Variants in TASOR observed in about 807,000 individuals in gnomAD.
TASOR encodes the protein protein TASOR.
TASOR carries 53 observed loss-of-function variants against 178.6 expected under a neutral mutation model. That is an observed-to-expected ratio of 0.30 (90% CI 0.24 to 0.37). The LOEUF (loss-of-function observed/expected upper bound fraction) is 0.37. Among genes scored for constraint, TASOR ranks in the 10% least tolerant of loss-of-function variants. TASOR has a pLI of 1.00. For synonymous variants in TASOR, 713 were observed against 696.2 expected (o/e 1.02, Z -0.38); for missense variants, 1,815 against 1,971.4 (o/e 0.92, Z 1.50).
At chr3:56,634,061 C>A (rs1409725303) in intron 17 of TASOR, 95 bp from the exon 18 acceptor site, 5 of 929,776 alleles carry the variant, frequency 5.4e-6, no homozygotes, top group Non-Finnish European at 6.2e-6. Flanking sequence ...GGTTAACACA[C>A]ATTTAGAACT....
chr3:56,634,958 T>C (rs772746730), intron 17 of TASOR, among the ~76,000 whole-genome samples: 3 of 152,220 alleles, frequency 2.0e-5, no homozygotes, highest in Non-Finnish European at 4.4e-5. Context: ...AGAAGACGTA[T>C]ACACAATTTT....
intron 21 of TASOR, 44 bp from the exon 22 acceptor site, chr3:56,625,050 A>C: frequency 6.4e-7 from 1 of 1,567,836 alleles, no homozygotes; most frequent in Non-Finnish European, 8.7e-7. Context: ...TACTTCTAAA[A>C]TTTAGTATGG....
chr3:56,663,272 A>T lies in TASOR; in HGVS notation c.1054+269T>A, dbSNP rs1008689326. ...AATTCTAAGTCCTACACCTCTGGTGAATTTAATACTTTTAAAAAGCTGAGT... is the reference window on the plus strand; with the variant it reads ...AATTCTAAGTCCTACACCTCTGGTGTATTTAATACTTTTAAAAAGCTGAGT... On this transcript the variant is annotated intron_variant, in intron 8 of 23. Transcript: ENST00000683822. Among the ~76,000 whole-genome samples the T allele has an allele frequency of 6.6e-5, 10 of 152,330 alleles. No homozygotes were observed. In the South Asian group the frequency reaches 1.0e-3, roughly 16 times the overall value.
At chr3:56,663,966 G>A (rs1477190426) in intron 7 of TASOR, 1 of 608,758 alleles carries the variant, frequency 1.6e-6, no homozygotes, top group Non-Finnish European at 2.0e-6. Flanking sequence ...CACAGTTCTA[G>A]GTAATAGGAT....
At chr3:56,665,864 C>G (rs1427037879) in intron 7 of TASOR, among the ~76,000 whole-genome samples, 3 of 151,922 alleles carry the variant, frequency 2.0e-5, no homozygotes, top group African/African-American at 7.2e-5. Context: ...CCCAGCTACT[C>G]GGGAGGCTGA....
At chr3:56,645,931 G>A (rs1048650507) in intron 14 of TASOR, among the ~76,000 whole-genome samples, 3 of 152,106 alleles carry the variant, frequency 2.0e-5, no homozygotes, top group East Asian at 3.9e-4. Flanking sequence ...GGCGGATCAC[G>A]AGGTCAGGAG....
chr3:56,643,318 A>G lies in TASOR; in HGVS notation c.2216-1566T>C, dbSNP rs7640535. Among the ~76,000 whole-genome samples, 1,432 of 152,268 alleles carry G rather than the reference A, an allele frequency of 9.4e-3. 30 individuals are homozygous for G. Among genetic ancestry groups the G allele is most frequent in the African/African-American group, 0.032 (1,322 of 41,536 alleles). On this transcript the variant is annotated intron_variant, in intron 14 of 23. Coordinates refer to ENST00000683822, the MANE Select transcript of TASOR (RefSeq NM_001365635.2). ...CGGTGATTACACAGCTGTCAAAACT[A>G]ATCATACTGTGTGCTTAAATAGGTA...
At chr3:56,648,523 C>T (rs539383472) in intron 13 of TASOR, among the ~76,000 whole-genome samples, 24 of 150,012 alleles carry the variant, frequency 1.6e-4, no homozygotes, top group African/African-American at 5.9e-4. Flanking sequence ...CCCAGCTACT[C>T]AGGAGGCTGA....
intron 5 of TASOR, among the ~76,000 whole-genome samples, chr3:56,669,070 A>C (rs1353849930): frequency 1.3e-5 from 2 of 152,226 alleles, no homozygotes; most frequent in Non-Finnish European, 2.9e-5. Context: ...AAATCATTTG[A>C]ACTTGTTTAA....
At chr3:56,623,923 T>A in intron 23 of TASOR, 3 of 1,134,036 alleles carry the variant, frequency 2.6e-6, no homozygotes, top group African/African-American at 1.6e-5. Context: ...ACTGGATTAC[T>A]AAACTAGTTG....
At chr3:56,654,029 G>C (rs1578248300) in intron 11 of TASOR, among the ~76,000 whole-genome samples, 1 of 152,180 alleles carries the variant, frequency 6.6e-6, no homozygotes, top group Non-Finnish European at 1.5e-5. Flanking sequence ...CACTACGGGA[G>C]GCCGAGGCAG....
chr3:56,662,557 A>T, intron 8 of TASOR, 67 bp from the exon 9 acceptor site: 1 of 690,856 alleles, frequency 1.4e-6, no homozygotes, highest in Non-Finnish European at 2.3e-6. Context: ...GTGCACATTT[A>T]TTAGAAATGA....
Position 56,649,067 on chromosome 3 carries a change from G to C in TASOR, c.1369-10C>G. On this transcript the variant is annotated splice_polypyrimidine_tract_variant and intron_variant, in intron 11 of 23. Transcript: ENST00000683822. ...AAGGTTTAACAAGAACCTGTATTTT[G>C]AGGGGAAGGAAGAAGTTGTATCTGC... 6.3e-7 allele frequency: 1 copy of C among 1,593,088 alleles called. No individual in the cohort carries two copies. The highest frequency in any genetic ancestry group is 1.2e-5 in the South Asian group (1 of 86,396).
chr3:56,671,277 C>T (rs555974640), intron 3 of TASOR: 57 of 175,800 alleles, frequency 3.2e-4, no homozygotes, highest in Admixed American at 4.3e-4. Context: ...AGACAGAGGT[C>T]GCAGTGAGCC....
intron 17 of TASOR, among the ~76,000 whole-genome samples, chr3:56,636,181 G>A (rs1244938804): frequency 1.3e-5 from 2 of 151,396 alleles, no homozygotes; most frequent in Non-Finnish European, 2.9e-5. Context: ...GTGGTGGCGA[G>A]CACCTGTAAT....
chr3:56,682,506 T>C (rs2031889829), intron 1 of TASOR, among the ~76,000 whole-genome samples, 170 bp downstream of exon 1: 2 of 150,686 alleles, frequency 1.3e-5, no homozygotes, highest in South Asian at 4.2e-4. Flanking sequence ...CACCGCTTTC[T>C]CTCGCACCAA....
intron 14 of TASOR, among the ~76,000 whole-genome samples, chr3:56,644,592 A>G (rs546814967): frequency 6.6e-6 from 1 of 152,344 alleles, no homozygotes; most frequent in African/African-American, 2.4e-5. Context: ...GGACATGGCT[A>G]GTCTATAACA....
chr3:56,670,566 A>G (rs944763815), intron 3 of TASOR, among the ~76,000 whole-genome samples: 1 of 152,138 alleles, frequency 6.6e-6, no homozygotes, highest in Non-Finnish European at 1.5e-5. Context: ...CTGCCACTCA[A>G]TATATATAAC....
At chr3:56,625,146 G>T in intron 21 of TASOR, 140 bp from the exon 22 acceptor site, 2 of 746,076 alleles carry the variant, frequency 2.7e-6, no homozygotes, top group South Asian at 3.8e-5. Flanking sequence ...CCTGATGTAG[G>T]GGGTGTGCTT....
Sources: gnomAD v4.1 joint callset for allele counts (sites outside exome capture counted in the v4.1 genomes callset) on GRCh38, gnomAD v4.1.1 for gene constraint, MANE v1.5 for transcripts, NCBI Gene and HGNC (gene_info 2026-07-23, HGNC 2026-07-21) for gene names.